CDH13: variants seen among roughly 807,000 people sequenced by gnomAD.
CDH13 encodes cadherin 13, also known as cadherin-13.
Under a neutral mutation model 63.8 loss-of-function variants are expected in CDH13, and 24 were observed. That is an observed-to-expected ratio of 0.38 (90% CI 0.27 to 0.53). CDH13 has a LOEUF of 0.53. CDH13 is among the 20% of genes least tolerant of loss of function. CDH13 has a pLI of 0.85. For missense variants in CDH13, 1,049 were observed against 903.1 expected, an observed-to-expected ratio of 1.16 and a Z score of -2.07; for synonymous variants, 503 against 355.3, an observed-to-expected ratio of 1.42 and a Z score of -4.67.
At chr16:83,425,661 A>G (rs1175825717) in intron 6 of CDH13, among the ~76,000 whole-genome samples, 5 of 152,254 alleles carry the variant, frequency 3.3e-5, no homozygotes, top group Non-Finnish European at 7.3e-5. Flanking sequence ...ATCTCCTAGA[A>G]CACACATTTC....
At chr16:83,259,008 A>G (rs1034132153) in intron 5 of CDH13, among the ~76,000 whole-genome samples, 2 of 152,188 alleles carry the variant, frequency 1.3e-5, no homozygotes, top group Non-Finnish European at 1.5e-5. Flanking sequence ...TATGTCATAA[A>G]TATCACCCAT....
At chr16:83,201,559 C>G (rs1041830348) in intron 4 of CDH13, among the ~76,000 whole-genome samples, 3 of 152,028 alleles carry the variant, frequency 2.0e-5, no homozygotes, top group Non-Finnish European at 4.4e-5. Flanking sequence ...GGCTGGGATA[C>G]TTCAGTGTCA....
intron 5 of CDH13, among the ~76,000 whole-genome samples, chr16:83,338,529 C>T (rs1288385502): frequency 1.3e-5 from 2 of 152,160 alleles, no homozygotes; most frequent in African/African-American, 2.4e-5. Flanking sequence ...GAGAGGTAGA[C>T]GTAAATTGAA....
At chr16:83,400,308 A>G (rs1433112243) in intron 6 of CDH13, among the ~76,000 whole-genome samples, 6 of 152,250 alleles carry the variant, frequency 3.9e-5, no homozygotes, top group African/African-American at 1.4e-4. Flanking sequence ...TTAGAGATCA[A>G]GTGTTTGGCT....
Position 83,507,947 on chromosome 16 carries a change from G to A in CDH13, c.960+21292G>A, listed in dbSNP as rs556593218. ...CTCAGGAGGCTGAAGCAGGAGAGTCGCTTGAAACCGGGAGGCAGAGGGTGC... is the reference window on the plus strand; with the variant it reads ...CTCAGGAGGCTGAAGCAGGAGAGTCACTTGAAACCGGGAGGCAGAGGGTGC... On this transcript the variant is annotated intron_variant, in intron 7 of 13. Transcript: ENST00000567109. 1.6e-3 allele frequency among the ~76,000 whole-genome samples: 245 copies of A among 151,400 alleles called. 2 individuals carry two copies. The highest frequency in any genetic ancestry group is 3.4e-3 in the Middle Eastern group (1 of 292).
intron 1 of CDH13, among the ~76,000 whole-genome samples, chr16:82,678,532 T>G (rs1914193841): frequency 6.6e-6 from 1 of 152,184 alleles, no homozygotes; most frequent in South Asian, 2.1e-4. Flanking sequence ...AAAGTTTTCT[T>G]GAATGAAACA....
chr16:83,724,474 G>A (rs1245740773), intron 10 of CDH13, among the ~76,000 whole-genome samples: 1 of 152,064 alleles, frequency 6.6e-6, no homozygotes, highest in African/African-American at 2.4e-5. Context: ...ATGAATGCAT[G>A]GATGAGTGTG....
intron 7 of CDH13, among the ~76,000 whole-genome samples, chr16:83,494,887 G>A (rs967819360): frequency 1.6e-4 from 25 of 152,256 alleles, no homozygotes; most frequent in African/African-American, 5.3e-4. Flanking sequence ...TCTAAAAGCC[G>A]TGATCAACCT....
chr16:82,763,115 C>T (rs1186366349), intron 1 of CDH13, among the ~76,000 whole-genome samples: 1 of 152,194 alleles, frequency 6.6e-6, no homozygotes. Context: ...CGTCCTTGTA[C>T]CGCAGGGCCT....
chr16:82,767,310 A>G (rs1255082037), intron 1 of CDH13, among the ~76,000 whole-genome samples: 1 of 152,188 alleles, frequency 6.6e-6, no homozygotes, highest in Middle Eastern at 3.2e-3. Context: ...GACTCCTACC[A>G]CAGCAAAAGT....
At chr16:83,032,650 G>A (rs150391469) in intron 3 of CDH13, among the ~76,000 whole-genome samples, 1,551 of 152,220 alleles carry the variant, frequency 0.01, 15 homozygotes, top group African/African-American at 0.029. Flanking sequence ...GACGATGCTA[G>A]CAAAACCTTG....
intron 2 of CDH13, among the ~76,000 whole-genome samples, chr16:82,920,743 G>C (rs999588165): frequency 1.3e-5 from 2 of 152,108 alleles, no homozygotes; most frequent in Admixed American, 1.3e-4. Flanking sequence ...TCACTAGTTA[G>C]AGCCTTCTTT....
chr16:83,121,488 C>T (rs1014206566), intron 3 of CDH13, among the ~76,000 whole-genome samples: 29 of 152,176 alleles, frequency 1.9e-4, no homozygotes, highest in African/African-American at 6.8e-4. Flanking sequence ...GGCCAGCATA[C>T]GCTTGCTGTA....
chr16:83,189,835 C>T (rs2038641871), intron 4 of CDH13, among the ~76,000 whole-genome samples: 1 of 152,132 alleles, frequency 6.6e-6, no homozygotes, highest in African/African-American at 2.4e-5. Flanking sequence ...CGGGAGGGAC[C>T]CAATGGGAGG....
At chr16:83,449,937 T>C (rs1026317419) in intron 6 of CDH13, among the ~76,000 whole-genome samples, 4 of 152,308 alleles carry the variant, frequency 2.6e-5, no homozygotes, top group Non-Finnish European at 4.4e-5. Flanking sequence ...CGAGGAACTC[T>C]AATAGAAGAA....
chr16:82,797,047 T>C (rs760620601), intron 1 of CDH13, among the ~76,000 whole-genome samples: 41 of 152,254 alleles, frequency 2.7e-4, no homozygotes, highest in Non-Finnish European at 5.7e-4. Context: ...CTTCCATGAC[T>C]ATGTACTTGT....
chr16:83,291,242 C>T (rs998190224), intron 5 of CDH13, among the ~76,000 whole-genome samples: 1 of 152,142 alleles, frequency 6.6e-6, no homozygotes, highest in Non-Finnish European at 1.5e-5. Context: ...TTAGACTTTG[C>T]TGCTCTTCCT....
chr16:83,547,032 A>G (rs2150663485), intron 7 of CDH13, among the ~76,000 whole-genome samples: 1 of 152,330 alleles, frequency 6.6e-6, no homozygotes, highest in Middle Eastern at 3.4e-3. Context: ...ATTTTAATCC[A>G]TCAGGTCATC....
chr16:83,786,093 A>T (rs1386861404), intron 13 of CDH13, among the ~76,000 whole-genome samples: 2 of 152,214 alleles, frequency 1.3e-5, no homozygotes, highest in Non-Finnish European at 2.9e-5. Flanking sequence ...GAGATGACAG[A>T]ACACATCCAG....
Sources: allele counts gnomAD v4.1 joint callset (sites outside exome capture counted in the v4.1 genomes callset), GRCh38; gene constraint gnomAD v4.1.1; transcripts MANE v1.5; gene names NCBI Gene and HGNC (gene_info 2026-07-23, HGNC 2026-07-21).